The following PON2 variants were observed in gnomAD, a reference collection of about 807,000 sequenced individuals.
PON2 encodes the protein serum paraoxonase/arylesterase 2.
Under a neutral mutation model 36.6 loss-of-function variants are expected in PON2, and 27 were observed. The observed-to-expected ratio is 0.74, with a 90% CI of 0.54 to 1.02. PON2 has a LOEUF of 1.02. Among genes scored for constraint, PON2 ranks in the 50% least tolerant of loss-of-function variants. The pLI is 0.00. For synonymous variants in PON2, 149 were observed against 156.3 expected, an observed-to-expected ratio of 0.95 and a Z score of 0.35; for missense variants, 363 against 421.1, an observed-to-expected ratio of 0.86 and a Z score of 1.21.
At chr7:95,405,960 C>G (rs1204901441) in intron 8 of PON2, among the ~76,000 whole-genome samples, 159 bp downstream of exon 8, 1 of 152,206 alleles carries the variant, frequency 6.6e-6, no homozygotes, top group Non-Finnish European at 1.5e-5. Context: ...ATGTAACATT[C>G]TGCCAATTAT....
chr7:95,418,293 C>T (rs1789118760), intron 2 of PON2: 1 of 152,170 alleles, frequency 6.6e-6, no homozygotes, highest in Non-Finnish European at 1.5e-5. Flanking sequence ...TACAATATCT[C>T]ATATGATTAT....
At chr7:95,432,117 A>G (rs1789456955) in intron 1 of PON2, among the ~76,000 whole-genome samples, 1 of 152,146 alleles carries the variant, frequency 6.6e-6, no homozygotes, top group South Asian at 2.1e-4. Flanking sequence ...GGTGCATCAA[A>G]TTGTAAAGTA....
chr7:95,411,570 T>A, intron 5 of PON2, 83 bp downstream of exon 5: 1 of 1,538,374 alleles, frequency 6.5e-7, no homozygotes, highest in Non-Finnish European at 9.0e-7. Context: ...TTAGCGCTTA[T>A]AAAAGATGAC....
At chr7:95,432,159 T>C (rs998861270) in intron 1 of PON2, among the ~76,000 whole-genome samples, 2 of 152,168 alleles carry the variant, frequency 1.3e-5, no homozygotes, top group Admixed American at 1.3e-4. Context: ...TGTATAATCC[T>C]ACCACTTTGG....
At chr7:95,429,183 C>A (rs541791333) in intron 1 of PON2, among the ~76,000 whole-genome samples, 2 of 150,724 alleles carry the variant, frequency 1.3e-5, no homozygotes, top group South Asian at 2.1e-4. Flanking sequence ...TCCCTCCCCC[C>A]TCCCCCTACC....
chr7:95,434,545 A>T (rs560893333), intron 1 of PON2, among the ~76,000 whole-genome samples: 1 of 152,368 alleles, frequency 6.6e-6, no homozygotes, highest in African/African-American at 2.4e-5. Context: ...TTTTGTTTTC[A>T]ATTTAAACCA....
At position 95,420,707 on chromosome 7, in the gene PON2, A is replaced by G. The variant is rs142500724; in HGVS notation, c.145+3808T>C. On this transcript the variant is annotated intron_variant, in intron 2 of 8. Transcript: ENST00000222572. ...GGGAATCAAGGGCAAGGGGGAAGGA[A>G]GGTTCACCTCTTAGAGGGATTAGTT... 1.9e-3 allele frequency among the ~76,000 whole-genome samples: 282 copies of G among 152,268 alleles called. 1 individual carries two copies. Among genetic ancestry groups the G allele is most frequent in the African/African-American group, 5.8e-3 (243 of 41,570 alleles).
At chr7:95,425,800 T>C (rs766086308) in intron 1 of PON2, among the ~76,000 whole-genome samples, 17 of 152,196 alleles carry the variant, frequency 1.1e-4, no homozygotes, top group African/African-American at 3.9e-4. Context: ...TTTGAAATCA[T>C]GTAACTCAAA....
intron 1 of PON2, among the ~76,000 whole-genome samples, chr7:95,425,817 TA>T (rs1312665631): frequency 6.6e-6 from 1 of 152,184 alleles, no homozygotes; most frequent in Admixed American, 6.5e-5. Flanking sequence ...CAAATAATGT[TA>T]AATTTTTTGA....
intron 1 of PON2, among the ~76,000 whole-genome samples, chr7:95,428,235 G>A (rs1233079535): frequency 6.6e-6 from 1 of 152,054 alleles, no homozygotes; most frequent in Non-Finnish European, 1.5e-5. Context: ...TTTCATTACA[G>A]TTATTTATTT....
intron 8 of PON2, among the ~76,000 whole-genome samples, chr7:95,405,889 T>G (rs554401143): frequency 6.6e-6 from 1 of 152,376 alleles, no homozygotes; most frequent in East Asian, 1.9e-4. Context: ...AAATGCCTTT[T>G]GACTAGTTTC....
chr7:95,423,279 G>A (rs1004429995), intron 2 of PON2, among the ~76,000 whole-genome samples: 4 of 141,266 alleles, frequency 2.8e-5, no homozygotes, highest in South Asian at 4.4e-4. Context: ...CCAAGATTGC[G>A]CTACTGCATT....
chr7:95,428,171 G>T (rs552185526), intron 1 of PON2, among the ~76,000 whole-genome samples: 1 of 152,284 alleles, frequency 6.6e-6, no homozygotes, highest in South Asian at 2.1e-4. Flanking sequence ...CACTCAAAAG[G>T]AAAGCTATTT....
chr7:95,405,230 T>C lies in PON2; in HGVS notation c.*100A>G, dbSNP rs1809646647. 7.7e-7 allele frequency: 1 copy of C among 1,291,830 alleles called. No individual in the cohort carries two copies. Among genetic ancestry groups the C allele is most frequent in the Non-Finnish European group, 1.1e-6 (1 of 908,216 alleles). The allele number at this position is 1,291,830 out of a possible 1,614,324, so 80.0% of individuals were successfully genotyped here. The stretch of plus-strand genomic sequence containing the variant: ...GGAATAAAATTAACTACACATGCCA[T>C]ACATTTCTGGGTCAATGTTGCTGGT... On this transcript the variant is annotated 3_prime_UTR_variant, in exon 9 of 9. Transcript: ENST00000222572.
intron 1 of PON2, among the ~76,000 whole-genome samples, chr7:95,434,658 G>A (rs551545406): frequency 6.6e-6 from 1 of 152,282 alleles, no homozygotes; most frequent in African/African-American, 2.4e-5. Flanking sequence ...AAAGTGTCGC[G>A]ATTCACTCCA....
At chr7:95,422,432 A>G (rs1789215025) in intron 2 of PON2, among the ~76,000 whole-genome samples, 1 of 152,214 alleles carries the variant, frequency 6.6e-6, no homozygotes, top group African/African-American at 2.4e-5. Context: ...ATATCTTTCT[A>G]TATTGTTTGC....
At chr7:95,423,401 T>C (rs1198549258) in intron 2 of PON2, among the ~76,000 whole-genome samples, 1 of 151,362 alleles carries the variant, frequency 6.6e-6, no homozygotes, top group Non-Finnish European at 1.5e-5. Flanking sequence ...TAACTACTAG[T>C]CTATTATGTA....
At chr7:95,420,467 C>T (rs967927818) in intron 2 of PON2, among the ~76,000 whole-genome samples, 5 of 152,126 alleles carry the variant, frequency 3.3e-5, no homozygotes, top group South Asian at 2.1e-4. Context: ...TAAGATAGAT[C>T]GGGAAGGAAT....
At chr7:95,421,840 G>GT (rs1271744319) in intron 2 of PON2, among the ~76,000 whole-genome samples, 1 of 152,172 alleles carries the variant, frequency 6.6e-6, no homozygotes, top group African/African-American at 2.4e-5. Flanking sequence ...GGCAAGCAAG[G>GT]TATTTGTAGA....
Sources: gnomAD v4.1 joint callset for allele counts (sites outside exome capture counted in the v4.1 genomes callset) on GRCh38, gnomAD v4.1.1 for gene constraint, MANE v1.5 for transcripts, NCBI Gene and HGNC (gene_info 2026-07-23, HGNC 2026-07-21) for gene names.